Variants in FRMD4A observed in about 807,000 individuals in gnomAD.
The protein encoded by FRMD4A is FERM domain containing 4A, also known as FERM domain-containing protein 4A.
In FRMD4A, 29 loss-of-function variants were observed where a neutral mutation model predicts 129.1. The ratio of observed to expected loss-of-function variants is 0.22; its 90% confidence interval spans 0.17 to 0.31. The LOEUF is 0.31. Among genes scored for constraint, FRMD4A ranks in the 10% least tolerant of loss-of-function variants. The pLI, the probability that FRMD4A is intolerant of heterozygous loss-of-function variation, is 1.00. For missense variants in FRMD4A, 1,272 were observed against 1,375.8 expected (o/e 0.92, Z 1.19); for synonymous variants, 634 against 571.6 (o/e 1.11, Z -1.56).
At chr10:14,062,618 A>C (rs1157221951) in intron 2 of FRMD4A, among the ~76,000 whole-genome samples, 3 of 152,192 alleles carry the variant, frequency 2.0e-5, no homozygotes, top group African/African-American at 7.2e-5. Flanking sequence ...GCATCCCTCT[A>C]AGTAGGTGTC....
At position 13,810,814 on chromosome 10, in the gene FRMD4A, G is replaced by A. The variant is rs147306316; in HGVS notation, c.206C>T (p.Thr69Met). The A allele has an allele frequency of 1.2e-5, 19 of 1,520,736 alleles. No homozygotes were observed. Among genetic ancestry groups the A allele is most frequent in the Middle Eastern group, 1.7e-4 (1 of 5,874 alleles). 94.2% of individuals were successfully genotyped at this position (1,520,736 alleles called of 1,614,324 possible). A position where few individuals can be genotyped will look rare whatever the true frequency, so the allele number is the denominator to read the frequency against. The change falls in exon 4 of 25, where the codon ACG becomes ATG. Residue 69 changes from threonine (T) to methionine (M), a missense_variant and splice_region_variant. Thr to Met is a moderately conservative substitution (Grantham distance 81). Transcript: ENST00000357447. ...EYFGIAFTDE[T>M]GHLNWLQLDR... is the part of the protein sequence containing the mutation. ...TGTGAGGGCTCAAGGCAGTACTTAC[G>A]TTTCATCTGTGAATGCTATTCCAAA...
chr10:13,667,664 A>C (rs12242046), intron 17 of FRMD4A: 179 of 152,388 alleles, frequency 1.2e-3, no homozygotes, highest in African/African-American at 4.2e-3. Context: ...AATCCCCCGC[A>C]AAGCGTCAGA....
chr10:13,770,982 T>A (rs1478081388), intron 6 of FRMD4A, among the ~76,000 whole-genome samples: 3 of 152,234 alleles, frequency 2.0e-5, no homozygotes, highest in African/African-American at 4.8e-5. Flanking sequence ...TAGCAAAGCA[T>A]GTTGAAGGTA....
chr10:14,039,203 G>A (rs1037539243), intron 2 of FRMD4A, among the ~76,000 whole-genome samples: 5 of 150,846 alleles, frequency 3.3e-5, no homozygotes, highest in African/African-American at 1.2e-4. Flanking sequence ...TAGAATATGA[G>A]TTGTACTTAG....
At chr10:14,090,450 CAACCAG>C (rs1836595411) in intron 2 of FRMD4A, among the ~76,000 whole-genome samples, 2 of 152,194 alleles carry the variant, frequency 1.3e-5, no homozygotes, top group Non-Finnish European at 1.5e-5. Context: ...ACACGACAGT[CAACCAG>C]CCCGTGGGCA....
At chr10:14,287,766 ACT>A (rs1428550774) in intron 2 of FRMD4A, among the ~76,000 whole-genome samples, 1 of 152,158 alleles carries the variant, frequency 6.6e-6, no homozygotes, top group Non-Finnish European at 1.5e-5. Flanking sequence ...GAAACAGTTC[ACT>A]CTACCTTCTT....
chr10:14,047,034 C>T (rs569263625), intron 2 of FRMD4A, among the ~76,000 whole-genome samples: 24 of 152,232 alleles, frequency 1.6e-4, no homozygotes, highest in African/African-American at 5.8e-4. Context: ...GTGCTCAGGC[C>T]TCCACCTCCA....
chr10:13,752,157 C>T lies in FRMD4A; in HGVS notation c.465-4338G>A, dbSNP rs559672997. ...TTAAAAACTCTCCGGCAGTTATTAA[C>T]GTTGCCAGGATAAAAGTGGTATCAA... On this transcript the variant is annotated intron_variant, in intron 8 of 24. Transcript: ENST00000357447. 7.2e-5 allele frequency among the ~76,000 whole-genome samples: 11 copies of T among 152,338 alleles called. No individual in the cohort carries two copies. In the South Asian group the frequency reaches 2.1e-3, roughly 29 times the overall value.
At chr10:13,724,281 G>A (rs1564693321) in intron 12 of FRMD4A, among the ~76,000 whole-genome samples, 1 of 152,114 alleles carries the variant, frequency 6.6e-6, no homozygotes, top group African/African-American at 2.4e-5. Context: ...CCAGCTACTC[G>A]GGAGTCTGAG....
intron 2 of FRMD4A, among the ~76,000 whole-genome samples, chr10:14,174,218 C>G (rs996575554): frequency 1.3e-5 from 2 of 152,120 alleles, no homozygotes; most frequent in African/African-American, 4.8e-5. Context: ...GCCTGCAAAG[C>G]GCCGTTCCTG....
chr10:13,931,907 C>T (rs545909643), intron 2 of FRMD4A, among the ~76,000 whole-genome samples: 2 of 152,158 alleles, frequency 1.3e-5, no homozygotes, highest in Admixed American at 6.5e-5. Flanking sequence ...CACGATTGTG[C>T]CACTGCACTC....
chr10:13,654,655 T>G, intron 22 of FRMD4A, 143 bp from the exon 23 acceptor site: 1 of 618,764 alleles, frequency 1.6e-6, no homozygotes, highest in Non-Finnish European at 2.9e-6. Flanking sequence ...CAGAGCAGGG[T>G]CTCAGCATCC....
At chr10:13,960,631 A>G (rs2095440506) in intron 2 of FRMD4A, among the ~76,000 whole-genome samples, 1 of 152,238 alleles carries the variant, frequency 6.6e-6, no homozygotes, top group African/African-American at 2.4e-5. Context: ...AAGGACTTAT[A>G]TATAATTCAT....
chr10:13,983,917 C>T (rs951999626), intron 2 of FRMD4A, among the ~76,000 whole-genome samples: 1 of 151,712 alleles, frequency 6.6e-6, no homozygotes, highest in Non-Finnish European at 1.5e-5. Flanking sequence ...GCAGGAGAAT[C>T]GCTTGAACCT....
chr10:13,677,015 AT>A (rs2084065192), intron 15 of FRMD4A, among the ~76,000 whole-genome samples: 1 of 152,242 alleles, frequency 6.6e-6, no homozygotes, highest in Non-Finnish European at 1.5e-5. Flanking sequence ...GCAATGCAGC[AT>A]CATAAAGCTA....
chr10:13,825,403 G>A (rs1265557650), intron 3 of FRMD4A, among the ~76,000 whole-genome samples: 1 of 152,166 alleles, frequency 6.6e-6, no homozygotes. Context: ...ACAGCAGTGG[G>A]CAAGCGAGCA....
At chr10:13,838,828 T>G (rs1384371426) in intron 3 of FRMD4A, among the ~76,000 whole-genome samples, 22 of 152,092 alleles carry the variant, frequency 1.4e-4, no homozygotes, top group Non-Finnish European at 2.9e-5. Context: ...AATATGGACC[T>G]TAGACTGTAA....
Position 13,784,519 on chromosome 10 carries a change from T to C in FRMD4A, c.300-1513A>G, listed in dbSNP as rs114583595. 8.9e-3 allele frequency among the ~76,000 whole-genome samples: 1,354 copies of C among 152,276 alleles called. 18 individuals are homozygous for C. Among genetic ancestry groups the C allele is most frequent in the African/African-American group, 0.026 (1,090 of 41,538 alleles). The stretch of plus-strand genomic sequence containing the variant: ...AAATGAATTCTTCTAATCAATACAA[T>C]CACCTGAGGGGCAACAACTTGGAAT... On this transcript the variant is annotated intron_variant, in intron 5 of 24. Coordinates refer to ENST00000357447, the MANE Select transcript of FRMD4A (RefSeq NM_018027.5).
At chr10:14,024,198 C>G (rs1357576457) in intron 2 of FRMD4A, among the ~76,000 whole-genome samples, 1 of 152,190 alleles carries the variant, frequency 6.6e-6, no homozygotes, top group African/African-American at 2.4e-5. Flanking sequence ...CGGTTTTCTC[C>G]CCTGACCGCA....
Sources: gnomAD v4.1 joint callset for allele counts (sites outside exome capture counted in the v4.1 genomes callset) on GRCh38, gnomAD v4.1.1 for gene constraint, MANE v1.5 for transcripts, NCBI Gene and HGNC (gene_info 2026-07-23, HGNC 2026-07-21) for gene names.